Variants in DLGAP2 observed in about 807,000 individuals in gnomAD.
DLGAP2 encodes the protein disks large-associated protein 2.
DLGAP2 carries 26 observed loss-of-function variants against 100.3 expected under a neutral mutation model. That is an observed-to-expected ratio of 0.26 (90% CI 0.19 to 0.36). DLGAP2 has a LOEUF of 0.36. DLGAP2 is among the 10% of genes least tolerant of loss of function. The probability of loss-of-function intolerance (pLI) is 1.00; values close to 1 mark genes in which losing one functional copy is unlikely to be tolerated. For missense variants in DLGAP2, 1,858 were observed against 1,453.2 expected (o/e 1.28, Z -4.53); for synonymous variants, 886 against 630.1 (o/e 1.41, Z -6.08).
At position 1,178,578 on chromosome 8, in the gene DLGAP2, A is replaced by G. The variant is rs1797310879; in HGVS notation, c.74-80273A>G. Among the ~76,000 whole-genome samples, 5 of 152,102 alleles carry G rather than the reference A, an allele frequency of 3.3e-5. No individual in the cohort carries two copies. In the South Asian group the frequency reaches 6.2e-4, roughly 19 times the overall value. On this transcript the variant is annotated intron_variant, in intron 2 of 14. Coordinates refer to ENST00000637795, the MANE Select transcript of DLGAP2 (RefSeq NM_001346810.2). ...GGCACCTTTTTAGGCAAAGTTAGAC[A>G]TCTCTCTTTTTTTTAGGTAAGCTTA...
At chr8:1,034,682 T>A (rs1387168760) in intron 2 of DLGAP2, among the ~76,000 whole-genome samples, 1 of 12,432 alleles carries the variant, frequency 8.0e-5, no homozygotes, top group Non-Finnish European at 1.5e-4. Context: ...CGCGAGTGGA[T>A]TCACAGCCTC....
chr8:1,119,120 T>G (rs1331200887), intron 2 of DLGAP2, among the ~76,000 whole-genome samples: 1 of 152,260 alleles, frequency 6.6e-6, no homozygotes, highest in Non-Finnish European at 1.5e-5. Flanking sequence ...TTTTTCCCAT[T>G]TAAGTACTGA....
chr8:1,023,718 T>C (rs1801694325), intron 2 of DLGAP2, among the ~76,000 whole-genome samples: 1 of 152,166 alleles, frequency 6.6e-6, no homozygotes, highest in Admixed American at 6.5e-5. Context: ...CCAGCCCTGC[T>C]TTCCTTAGAG....
chr8:1,637,353 C>T (rs970865459), intron 8 of DLGAP2, among the ~76,000 whole-genome samples: 3 of 152,042 alleles, frequency 2.0e-5, no homozygotes, highest in African/African-American at 4.8e-5. Context: ...CCTCCAAACA[C>T]GTCTTCTCCT....
At chr8:1,211,162 G>C (rs1798095602) in intron 2 of DLGAP2, among the ~76,000 whole-genome samples, 1 of 152,234 alleles carries the variant, frequency 6.6e-6, no homozygotes, top group African/African-American at 2.4e-5. Flanking sequence ...CATGTGAACA[G>C]GCTGCGTTCA....
chr8:1,562,977 A>G (rs1341322014), intron 5 of DLGAP2, among the ~76,000 whole-genome samples: 48 of 33,786 alleles, frequency 1.4e-3, no homozygotes, highest in South Asian at 5.7e-3. Flanking sequence ...TTACTGGGGG[A>G]CTGTGTGGTG....
chr8:1,494,427 C>G (rs1799486608), intron 3 of DLGAP2, among the ~76,000 whole-genome samples: 3 of 152,276 alleles, frequency 2.0e-5, no homozygotes, highest in African/African-American at 7.2e-5. Flanking sequence ...CGGGGCAGGT[C>G]TTTAAGAAAT....
At chr8:1,625,176 AT>A (rs1797460158) in intron 6 of DLGAP2, among the ~76,000 whole-genome samples, 1 of 152,308 alleles carries the variant, frequency 6.6e-6, no homozygotes, top group African/African-American at 2.4e-5. Flanking sequence ...ATCTATAGAC[AT>A]TTTTATGTAC....
intron 2 of DLGAP2, among the ~76,000 whole-genome samples, chr8:1,190,495 A>G (rs112366352): frequency 0.031 from 4,760 of 152,180 alleles, 117 homozygotes; most frequent in Middle Eastern, 0.044. Flanking sequence ...CTTTCCCGGC[A>G]GCATCTCATG....
chr8:798,036 C>T (rs530577905), intron 1 of DLGAP2, among the ~76,000 whole-genome samples: 103 of 152,344 alleles, frequency 6.8e-4, no homozygotes, highest in African/African-American at 2.5e-3. Flanking sequence ...AGGCGTGAGC[C>T]ACCACGCCTG....
intron 1 of DLGAP2, among the ~76,000 whole-genome samples, chr8:845,940 G>C (rs1585924960): frequency 6.6e-6 from 1 of 152,096 alleles, no homozygotes; most frequent in African/African-American, 2.4e-5. Context: ...GAATTGTCTT[G>C]GCACCCTTGT....
chr8:1,639,748 C>A (rs1031845346), intron 8 of DLGAP2, among the ~76,000 whole-genome samples: 2 of 152,220 alleles, frequency 1.3e-5, no homozygotes, highest in Non-Finnish European at 2.9e-5. Context: ...TCCGGGGAGC[C>A]CGCTCCTTGC....
chr8:1,233,683 A>C (rs62486942), intron 2 of DLGAP2, among the ~76,000 whole-genome samples: 16,739 of 152,214 alleles, frequency 0.11, 1,052 homozygotes, highest in South Asian at 0.17. Context: ...AGATGATCTC[A>C]GTGCCTAAGA....
intron 1 of DLGAP2, among the ~76,000 whole-genome samples, chr8:866,555 A>G (rs1797501825): frequency 6.6e-6 from 1 of 151,992 alleles, no homozygotes; most frequent in Admixed American, 6.5e-5. Context: ...TTCTGAAAAG[A>G]AGGGTCTGAA....
chr8:959,825 A>T (rs971957596), intron 2 of DLGAP2, among the ~76,000 whole-genome samples: 5 of 152,242 alleles, frequency 3.3e-5, no homozygotes, highest in African/African-American at 1.2e-4. Context: ...AAACATTCTC[A>T]AGTCATTAAA....
Position 1,179,015 on chromosome 8 carries a change from C to A in DLGAP2, c.74-79836C>A, listed in dbSNP as rs76202654. Among the ~76,000 whole-genome samples the A allele has an allele frequency of 1.9e-3, 291 of 152,322 alleles. 1 individual carries two copies. The highest frequency in any genetic ancestry group is 6.6e-3 in the African/African-American group (273 of 41,580). The stretch of plus-strand genomic sequence containing the variant: ...CCTACAGATTAATTTCGAGCCCCTG[C>A]TGTAAAACTCCCAGCTTCTATAAGG... On this transcript the variant is annotated intron_variant, in intron 2 of 14. Coordinates refer to ENST00000637795, the MANE Select transcript of DLGAP2 (RefSeq NM_001346810.2).
intron 3 of DLGAP2, among the ~76,000 whole-genome samples, chr8:1,382,974 C>G (rs540156124): frequency 6.6e-6 from 1 of 152,208 alleles, no homozygotes; most frequent in East Asian, 1.9e-4. Flanking sequence ...ATTATACTTA[C>G]TATGTTAATT....
At chr8:1,442,608 C>A (rs182491638) in intron 3 of DLGAP2, among the ~76,000 whole-genome samples, 5 of 144,554 alleles carry the variant, frequency 3.5e-5, no homozygotes, top group Non-Finnish European at 7.5e-5. Context: ...GGAGACGGAT[C>A]GGGGCATAGA....
At chr8:1,169,225 T>A (rs1797077967) in intron 2 of DLGAP2, among the ~76,000 whole-genome samples, 1 of 152,216 alleles carries the variant, frequency 6.6e-6, no homozygotes, top group Non-Finnish European at 1.5e-5. Context: ...GGCTCTGTTC[T>A]GTACTATTGA....
Sources: gnomAD v4.1 joint callset for allele counts (sites outside exome capture counted in the v4.1 genomes callset) on GRCh38, gnomAD v4.1.1 for gene constraint, MANE v1.5 for transcripts, NCBI Gene and HGNC (gene_info 2026-07-23, HGNC 2026-07-21) for gene names.